The following FRRS1 variants were observed in gnomAD, a reference collection of about 807,000 sequenced individuals.
FRRS1 encodes ferric chelate reductase 1.
FRRS1 carries 51 observed loss-of-function variants against 70.7 expected under a neutral mutation model. That is an observed-to-expected ratio of 0.72 (90% CI 0.58 to 0.91). The LOEUF is 0.91. FRRS1 is among the 40% of genes least tolerant of loss of function. FRRS1 has a pLI of 0.00. For missense variants in FRRS1, 672 were observed against 726.0 expected (o/e 0.93, Z 0.86); for synonymous variants, 225 against 238.7 (o/e 0.94, Z 0.53).
intron 1 of FRRS1, among the ~76,000 whole-genome samples, chr1:99,759,929 T>C (rs940343391): frequency 2.0e-5 from 3 of 152,198 alleles, no homozygotes; most frequent in African/African-American, 7.2e-5. Flanking sequence ...TTCATCACTG[T>C]TCCCTGTTTA....
rs998949571 is a variant in FRRS1 at position 99,715,807 on chromosome 1, G to C, written c.1237-135C>G. The C allele has an allele frequency of 6.4e-6, 3 of 471,250 alleles. No individual in the cohort carries two copies. The East Asian group carries it at 1.1e-4, about 18-fold the overall frequency. The allele number at this position is 471,250 out of a possible 1,614,324, so 29.2% of individuals were successfully genotyped here. On this transcript the variant is annotated intron_variant, in intron 11 of 16. Transcript: ENST00000646001. ...TGCATTCAACTGACATCTAATCACA[G>C]TTTGTAGCCAGGTTAAGAAAAAAAA...
At chr1:99,741,189 T>C (rs1264781023) in intron 5 of FRRS1, among the ~76,000 whole-genome samples, 1 of 152,204 alleles carries the variant, frequency 6.6e-6, no homozygotes, top group Non-Finnish European at 1.5e-5. Context: ...ATATTCACAA[T>C]AGCCATGATG....
intron 1 of FRRS1, among the ~76,000 whole-genome samples, chr1:99,752,636 C>T (rs1410552168): frequency 1.3e-5 from 2 of 152,110 alleles, no homozygotes; most frequent in Admixed American, 1.3e-4. Flanking sequence ...TGTGGCCAAG[C>T]GTGGTGGCTC....
At chr1:99,731,369 C>T (rs1197846090) in intron 7 of FRRS1, among the ~76,000 whole-genome samples, 3 of 152,274 alleles carry the variant, frequency 2.0e-5, no homozygotes, top group African/African-American at 7.2e-5. Context: ...GTTTCAGATT[C>T]AACTTTATTT....
intron 9 of FRRS1, among the ~76,000 whole-genome samples, chr1:99,723,237 A>G (rs1459737249): frequency 6.6e-6 from 1 of 152,226 alleles, no homozygotes; most frequent in Admixed American, 6.5e-5. Flanking sequence ...TTGCTCTAAA[A>G]TTGCATTACA....
intron 12 of FRRS1, among the ~76,000 whole-genome samples, chr1:99,713,217 G>GTA (rs1365417108): frequency 6.6e-6 from 1 of 152,170 alleles, no homozygotes; most frequent in Non-Finnish European, 1.5e-5. Flanking sequence ...TGAGTAAACT[G>GTA]AGGGTCATAG....
intron 7 of FRRS1, among the ~76,000 whole-genome samples, chr1:99,734,758 G>C (rs1199990309): frequency 6.6e-6 from 1 of 152,182 alleles, no homozygotes; most frequent in Non-Finnish European, 1.5e-5. Context: ...TGATCACCAA[G>C]AATGGGGAAG....
chr1:99,718,188 T>A (rs144593320), intron 10 of FRRS1, among the ~76,000 whole-genome samples: 2 of 152,284 alleles, frequency 1.3e-5, no homozygotes, highest in East Asian at 3.9e-4. Context: ...CCCAAAACAC[T>A]AAGAGTTTAC....
intron 1 of FRRS1, among the ~76,000 whole-genome samples, chr1:99,757,161 C>T (rs1408261833): frequency 6.6e-6 from 1 of 151,648 alleles, no homozygotes; most frequent in Admixed American, 6.6e-5. Context: ...CATTATAACC[C>T]AACAAACATT....
Position 99,717,491 on chromosome 1 carries a change from A to G in FRRS1, c.1155T>C (p.Val385=). Residue 385 remains valine, a synonymous_variant, in exon 11 of 17, where the codon GTT becomes GTC. Transcript: ENST00000646001. ...ALMFVAWMTT[V]SIGVLVARFF... The stretch of plus-strand genomic sequence containing the variant: ...ACCGGGCAACCAGTACACCTATGCT[A>G]ACAGTAGTCATCCATGCCACAAACA... 1 of 1,613,988 alleles carries G rather than the reference A, an allele frequency of 6.2e-7. No individual in the cohort carries two copies. The highest frequency in any genetic ancestry group is 8.5e-7 in the Non-Finnish European group (1 of 1,179,852).
intron 4 of FRRS1, among the ~76,000 whole-genome samples, chr1:99,745,306 A>C (rs1656195562): frequency 6.6e-6 from 1 of 152,226 alleles, no homozygotes; most frequent in Non-Finnish European, 1.5e-5. Context: ...AGTCCTGGAC[A>C]ATAAGAAATC....
intron 7 of FRRS1, among the ~76,000 whole-genome samples, chr1:99,734,051 T>C (rs986914738): frequency 2.0e-5 from 3 of 152,208 alleles, no homozygotes; most frequent in South Asian, 2.1e-4. Context: ...AAATCTATTA[T>C]ATAAATTGTA....
chr1:99,751,581 G>A (rs1346811227), intron 1 of FRRS1, among the ~76,000 whole-genome samples: 1 of 152,044 alleles, frequency 6.6e-6, no homozygotes, highest in Non-Finnish European at 1.5e-5. Flanking sequence ...ACACAAGCAA[G>A]AAGAGAGTAG....
chr1:99,734,745 T>C (rs1398850335), intron 7 of FRRS1, among the ~76,000 whole-genome samples: 2 of 152,170 alleles, frequency 1.3e-5, no homozygotes, highest in Non-Finnish European at 2.9e-5. Context: ...TTCCTAACAT[T>C]GCTGATCACC....
intron 7 of FRRS1, among the ~76,000 whole-genome samples, chr1:99,733,241 G>A (rs1443111313): frequency 6.6e-6 from 1 of 152,168 alleles, no homozygotes; most frequent in African/African-American, 2.4e-5. Context: ...GAGGACTAAT[G>A]GCGGGTTACT....
intron 7 of FRRS1, among the ~76,000 whole-genome samples, chr1:99,734,657 G>T (rs1655560529): frequency 6.6e-6 from 1 of 152,140 alleles, no homozygotes; most frequent in Admixed American, 6.6e-5. Flanking sequence ...AAAGATGCTG[G>T]CAGCAGTAAC....
rs1188857657 is a variant in FRRS1 at position 99,742,206 on chromosome 1, C to G, written c.401G>C (p.Ser134Thr). Reference protein sequence around the residue: ...TEIKVYWNAPSSAPNHTQFLV... With the variant: ...TEIKVYWNAPTSAPNHTQFLV... ...AAACTGTGTGTGATTTGGAGCACTGCTTGGAGCATTCCAGTAGACTTTAAT... is the reference window on the plus strand; with the variant it reads ...AAACTGTGTGTGATTTGGAGCACTGGTTGGAGCATTCCAGTAGACTTTAAT... The change falls in exon 5 of 17, where the codon AGC becomes ACC. Residue 134 changes from serine to threonine, a missense_variant. Ser to Thr is a moderately conservative substitution (Grantham distance 58). Transcript: ENST00000646001. 6.2e-7 allele frequency: 1 copy of G among 1,610,262 alleles called. No homozygotes were observed. The highest frequency in any genetic ancestry group is 1.3e-5 in the African/African-American group (1 of 74,958).
intron 7 of FRRS1, among the ~76,000 whole-genome samples, chr1:99,731,610 T>C (rs966552706): frequency 6.6e-6 from 1 of 152,164 alleles, no homozygotes; most frequent in African/African-American, 2.4e-5. Flanking sequence ...ACTTAGGTGG[T>C]GAAAAGAATG....
intron 1 of FRRS1, among the ~76,000 whole-genome samples, chr1:99,755,704 C>A (rs1480257527): frequency 6.6e-6 from 1 of 152,110 alleles, no homozygotes; most frequent in Non-Finnish European, 1.5e-5. Flanking sequence ...GCAAAATACA[C>A]CAAGTGAACC....
Sources: gnomAD v4.1 joint callset for allele counts (sites outside exome capture counted in the v4.1 genomes callset) on GRCh38, gnomAD v4.1.1 for gene constraint, MANE v1.5 for transcripts, NCBI Gene and HGNC (gene_info 2026-07-23, HGNC 2026-07-21) for gene names.